TSHZ2: variants seen among roughly 807,000 people sequenced by gnomAD.
The protein encoded by TSHZ2 is teashirt zinc finger homeobox 2.
A neutral mutation model predicts 74.4 loss-of-function variants in TSHZ2; 21 were observed. The observed-to-expected ratio is 0.28, with a 90% CI of 0.20 to 0.41. The LOEUF (loss-of-function observed/expected upper bound fraction) is 0.41, where lower values mean the gene tolerates loss of function less well. Among genes scored for constraint, TSHZ2 ranks in the 10% least tolerant of loss-of-function variants. TSHZ2 has a pLI of 1.00. For synonymous variants in TSHZ2, 540 were observed against 515.3 expected, an observed-to-expected ratio of 1.05 and a Z score of -0.65; for missense variants, 1,244 against 1,293.5, an observed-to-expected ratio of 0.96 and a Z score of 0.59.
At chr20:53,349,559 G>A (rs1980564714) in intron 2 of TSHZ2, among the ~76,000 whole-genome samples, 1 of 151,648 alleles carries the variant, frequency 6.6e-6, no homozygotes, top group African/African-American at 2.4e-5. Flanking sequence ...GGCTGAGGCG[G>A]GAGGATCACT....
chr20:53,276,590 T>C (rs1027737814), intron 2 of TSHZ2, among the ~76,000 whole-genome samples: 36 of 152,176 alleles, frequency 2.4e-4, no homozygotes, highest in African/African-American at 8.4e-4. Flanking sequence ...ACCTCAGGAA[T>C]TGATAGAGTT....
rs547391324 is a variant in TSHZ2 at position 53,467,506 on chromosome 20, T to C, written c.*9-19638T>C. Among the ~76,000 whole-genome samples, 34 of 152,338 alleles carry C rather than the reference T, an allele frequency of 2.2e-4. 1 individual carries two copies. The South Asian group carries it at 7.1e-3, about 32-fold the overall frequency. ...GAAATAATAGAAATCATTAAAGATATCTACATTTCGTTAAGCACTTATTGA... is the reference window on the plus strand; with the variant it reads ...GAAATAATAGAAATCATTAAAGATACCTACATTTCGTTAAGCACTTATTGA... On this transcript the variant is annotated intron_variant, in intron 2 of 2. Transcript: ENST00000371497.
chr20:53,296,021 G>A (rs1991372502), intron 2 of TSHZ2, among the ~76,000 whole-genome samples: 1 of 142,334 alleles, frequency 7.0e-6, no homozygotes. Context: ...TACTATCCAG[G>A]TCTGTAATGA....
Position 53,253,821 on chromosome 20 carries a change from C to T in TSHZ2, c.363C>T (p.Cys121=), listed in dbSNP as rs1425180771. 1 of 1,614,164 alleles carries T rather than the reference C, an allele frequency of 6.2e-7. No individual in the cohort carries two copies. The highest frequency in any genetic ancestry group is 1.3e-5 in the African/African-American group (1 of 75,052). The stretch of plus-strand genomic sequence containing the variant: ...GGCTTCCAAACGAAGCACACAATTG[C>T]ATGGATAAAATGACCGCTGTCTACG... ...HVRLPNEAHN[C]MDKMTAVYAN... The change falls in exon 2 of 3, where the codon TGC becomes TGT. Residue 121 remains cysteine (C), a synonymous_variant. Transcript: ENST00000371497.
intron 2 of TSHZ2, among the ~76,000 whole-genome samples, chr20:53,360,689 C>G (rs1244314634): frequency 6.6e-6 from 1 of 152,032 alleles, no homozygotes; most frequent in Non-Finnish European, 1.5e-5. Context: ...CTTAGAAAGC[C>G]CAAAAATGTA....
chr20:53,027,899 GAAA>G (rs1422083017), intron 1 of TSHZ2, among the ~76,000 whole-genome samples: 52 of 152,168 alleles, frequency 3.4e-4, no homozygotes, highest in Middle Eastern at 3.4e-3. Flanking sequence ...TTTTAAAAAA[GAAA>G]AGAATCCCAG....
chr20:53,030,270 T>G (rs1246768023), intron 1 of TSHZ2, among the ~76,000 whole-genome samples: 1 of 152,128 alleles, frequency 6.6e-6, no homozygotes, highest in Non-Finnish European at 1.5e-5. Flanking sequence ...GGTTGATTTT[T>G]GCTGAAGATG....
intron 1 of TSHZ2, among the ~76,000 whole-genome samples, chr20:53,165,550 T>C (rs1455986412): frequency 6.6e-6 from 1 of 152,252 alleles, no homozygotes; most frequent in Non-Finnish European, 1.5e-5. Flanking sequence ...AGTGGCTCTT[T>C]CACTTTTTAT....
intron 1 of TSHZ2, among the ~76,000 whole-genome samples, chr20:53,125,327 C>T (rs931447885): frequency 1.2e-4 from 18 of 152,238 alleles, no homozygotes; most frequent in Admixed American, 5.9e-4. Context: ...CCTGGTTACC[C>T]GCTGAGTGGC....
At chr20:53,335,217 G>C (rs1979897627) in intron 2 of TSHZ2, among the ~76,000 whole-genome samples, 1 of 152,220 alleles carries the variant, frequency 6.6e-6, no homozygotes, top group Non-Finnish European at 1.5e-5. Context: ...GAAACTCTGA[G>C]GATGGAGCCA....
intron 2 of TSHZ2, among the ~76,000 whole-genome samples, chr20:53,339,697 C>A (rs1980101862): frequency 6.6e-6 from 1 of 152,202 alleles, no homozygotes; most frequent in African/African-American, 2.4e-5. Flanking sequence ...GACCTTCAGG[C>A]CCATCTGCTG....
At chr20:53,274,056 A>G (rs941399042) in intron 2 of TSHZ2, among the ~76,000 whole-genome samples, 2 of 152,174 alleles carry the variant, frequency 1.3e-5, no homozygotes, top group Non-Finnish European at 2.9e-5. Context: ...CAAGGCGGGC[A>G]GATCACAAGG....
intron 1 of TSHZ2, among the ~76,000 whole-genome samples, chr20:53,008,668 A>G (rs1444774033): frequency 3.3e-5 from 5 of 152,144 alleles, no homozygotes; most frequent in African/African-American, 1.2e-4. Flanking sequence ...GGCTGATATA[A>G]TAAGGAGTTT....
chr20:53,235,333 A>G (rs1011278987), intron 1 of TSHZ2, among the ~76,000 whole-genome samples: 1 of 151,834 alleles, frequency 6.6e-6, no homozygotes, highest in South Asian at 2.1e-4. Flanking sequence ...ATACCCAGCC[A>G]ATTTTTTTGT....
At chr20:53,059,058 C>CT (rs1406672872) in intron 1 of TSHZ2, among the ~76,000 whole-genome samples, 2 of 152,174 alleles carry the variant, frequency 1.3e-5, no homozygotes, top group African/African-American at 4.8e-5. Context: ...AGGAAATGTA[C>CT]TAAACATTTT....
At chr20:53,414,748 C>G (rs1327586733) in intron 2 of TSHZ2, among the ~76,000 whole-genome samples, 1 of 152,200 alleles carries the variant, frequency 6.6e-6, no homozygotes, top group Non-Finnish European at 1.5e-5. Context: ...ACCAAGGGCT[C>G]ACGCAAGCAC....
intron 2 of TSHZ2, among the ~76,000 whole-genome samples, chr20:53,432,075 G>C (rs528139156): frequency 6.6e-6 from 1 of 152,208 alleles, no homozygotes; most frequent in Non-Finnish European, 1.5e-5. Flanking sequence ...TTAGTGCATT[G>C]GTCACCCGAG....
At chr20:52,986,892 T>TTG (rs149965419) in intron 1 of TSHZ2, among the ~76,000 whole-genome samples, 5 of 151,422 alleles carry the variant, frequency 3.3e-5, no homozygotes, top group East Asian at 1.9e-4. Context: ...AAAAAATCAA[T>TTG]TGTGTGTGTG....
intron 1 of TSHZ2, among the ~76,000 whole-genome samples, chr20:53,155,462 G>A (rs1315625959): frequency 1.3e-5 from 2 of 151,824 alleles, no homozygotes; most frequent in South Asian, 2.1e-4. Flanking sequence ...TCCCCTTTGG[G>A]CAAACTCCAG....
Sources: allele counts gnomAD v4.1 joint callset (sites outside exome capture counted in the v4.1 genomes callset), GRCh38; gene constraint gnomAD v4.1.1; transcripts MANE v1.5; gene names NCBI Gene and HGNC (gene_info 2026-07-23, HGNC 2026-07-21).